The following PLEKHA6 variants were observed in gnomAD, a reference collection of about 807,000 sequenced individuals.
The protein encoded by PLEKHA6 is pleckstrin homology domain containing A6.
In PLEKHA6, 60 loss-of-function variants were observed where a neutral mutation model predicts 116.7. That is an observed-to-expected ratio of 0.51 (90% CI 0.42 to 0.64). PLEKHA6 has a LOEUF of 0.64. PLEKHA6 is among the 30% of genes least tolerant of loss of function. The pLI, the probability that PLEKHA6 is intolerant of heterozygous loss-of-function variation, is 0.00. For synonymous variants in PLEKHA6, 489 were observed against 556.1 expected, an observed-to-expected ratio of 0.88 and a Z score of 1.70; for missense variants, 1,338 against 1,422.7, an observed-to-expected ratio of 0.94 and a Z score of 0.96.
At chr1:204,250,040 C>G (rs1432505018) in intron 10 of PLEKHA6, among the ~76,000 whole-genome samples, 3 of 152,216 alleles carry the variant, frequency 2.0e-5, no homozygotes, top group South Asian at 2.1e-4. Flanking sequence ...CTGGCAGAAC[C>G]TATTATGGCT....
intron 15 of PLEKHA6, among the ~76,000 whole-genome samples, chr1:204,244,560 T>C (rs1020422132): frequency 3.9e-5 from 6 of 152,174 alleles, no homozygotes; most frequent in South Asian, 4.1e-4. Context: ...GTTGCTATCC[T>C]GGTATCATCC....
chr1:204,285,905 G>A (rs1343555418), intron 1 of PLEKHA6, among the ~76,000 whole-genome samples: 1 of 152,198 alleles, frequency 6.6e-6, no homozygotes, highest in Non-Finnish European at 1.5e-5. Context: ...TTCCTGGATT[G>A]GCCAACCTCT....
chr1:204,370,294 G>A (rs1439476263), intron 2 of PLEKHA6, among the ~76,000 whole-genome samples: 1 of 152,256 alleles, frequency 6.6e-6, no homozygotes, highest in East Asian at 1.9e-4. Context: ...CAAGCCAAAG[G>A]CTTCATCCTG....
chr1:204,318,468 C>T (rs750925481), intron 1 of PLEKHA6, among the ~76,000 whole-genome samples: 1 of 152,210 alleles, frequency 6.6e-6, no homozygotes, highest in African/African-American at 2.4e-5. Flanking sequence ...TGGACTACAG[C>T]GTCTGTTTCA....
At chr1:204,279,470 G>T (rs1409502211) in intron 1 of PLEKHA6, among the ~76,000 whole-genome samples, 1 of 152,232 alleles carries the variant, frequency 6.6e-6, no homozygotes, top group Non-Finnish European at 1.5e-5. Context: ...GGGAAACAAG[G>T]ACAGGTAATC....
At chr1:204,350,920 G>C (rs1673257684) in intron 1 of PLEKHA6, among the ~76,000 whole-genome samples, 1 of 152,212 alleles carries the variant, frequency 6.6e-6, no homozygotes, top group South Asian at 2.1e-4. Flanking sequence ...AGGGAGAGAG[G>C]AGAGGGCTGT....
At chr1:204,312,840 C>CCTTTT (rs1190278311) in intron 1 of PLEKHA6, among the ~76,000 whole-genome samples, 1 of 130,246 alleles carries the variant, frequency 7.7e-6, no homozygotes, top group East Asian at 3.3e-4. Context: ...GCCCTTAGCC[C>CCTTTT]ATTTTCTTTT....
Position 204,261,857 on chromosome 1 carries a change from C to T in PLEKHA6, c.382-409G>A, listed in dbSNP as rs1666160115. The T allele has an allele frequency of 1.7e-5, 5 of 296,336 alleles. No homozygotes were observed. The highest frequency in any genetic ancestry group is 4.6e-5 in the Admixed American group (1 of 21,534). The allele number at this position is 296,336 out of a possible 1,614,324, so 18.4% of individuals were successfully genotyped here. ...CACATGCCAATCTTAGCCCCAGCTT[C>T]ACTGCTGAGAAGCTAGCACTGTCTC... is the stretch of plus-strand genomic sequence containing the variant. On this transcript the variant is annotated intron_variant, in intron 6 of 22. Coordinates refer to ENST00000272203, the MANE Select transcript of PLEKHA6 (RefSeq NM_014935.5). The surrounding 1 kb of genome is among the most constrained non-coding windows in gnomAD (Gnocchi z 4.0).
chr1:204,326,544 A>G (rs1672251156), intron 1 of PLEKHA6, among the ~76,000 whole-genome samples: 1 of 152,222 alleles, frequency 6.6e-6, no homozygotes, highest in Non-Finnish European at 1.5e-5. Flanking sequence ...GCATGGAGAC[A>G]AAAGAGAAAG....
intron 17 of PLEKHA6, among the ~76,000 whole-genome samples, chr1:204,237,998 T>C (rs1662301450): frequency 6.6e-6 from 1 of 152,212 alleles, no homozygotes; most frequent in South Asian, 2.1e-4. Flanking sequence ...ATGGGGCCTG[T>C]TGAGATATTC....
intron 1 of PLEKHA6, chr1:204,301,201 T>C (rs370019165): frequency 1.0e-6 from 1 of 977,938 alleles, no homozygotes. Context: ...GCCACCTCTC[T>C]AGCTCCAGAA....
intron 1 of PLEKHA6, among the ~76,000 whole-genome samples, chr1:204,339,052 T>C (rs1032702956): frequency 6.6e-6 from 1 of 152,204 alleles, no homozygotes; most frequent in Non-Finnish European, 1.5e-5. Flanking sequence ...TCTTGCAGTT[T>C]CCACTTGGGT....
chr1:204,257,981 C>T lies in PLEKHA6; in HGVS notation c.1008-112G>A. 1 of 915,874 alleles carries T rather than the reference C, an allele frequency of 1.1e-6. No individual in the cohort carries two copies. Among genetic ancestry groups the T allele is most frequent in the Non-Finnish European group, 1.7e-6 (1 of 605,506 alleles). 56.7% of individuals were successfully genotyped at this position (915,874 alleles called of 1,614,324 possible). A position where few individuals can be genotyped will look rare whatever the true frequency, so the allele number is the denominator to read the frequency against. On this transcript the variant is annotated intron_variant, in intron 8 of 22. Transcript: ENST00000272203. The surrounding 1 kb of genome is among the most constrained non-coding windows in gnomAD (Gnocchi z 6.5). ...AGAGCAGGGTGCTTGAATAGGTACA[C>T]AGGGGCTGAGGTTTATTCCAGAGAT...
Position 204,250,436 on chromosome 1 carries a change from GGA to G in PLEKHA6, c.1593+108_1593+109del. On this transcript the variant is annotated intron_variant, in intron 10 of 22. Transcript: ENST00000272203. ...AGCCACCAGAAGGAGAGAGATAGAT[GGA>G]GAGACAGCCCCCGCAGAGGAAGAGA... 9.2e-6 allele frequency: 7 copies of G among 762,334 alleles called. No homozygotes were observed. In the South Asian group the frequency reaches 1.0e-4, roughly 11 times the overall value. The allele number at this position is 762,334 out of a possible 1,614,324, so 47.2% of individuals were successfully genotyped here. A position where few individuals can be genotyped will look rare whatever the true frequency, so the allele number is the denominator to read the frequency against.
intron 6 of PLEKHA6, among the ~76,000 whole-genome samples, chr1:204,263,940 G>A (rs1393018968): frequency 6.6e-6 from 1 of 152,116 alleles, no homozygotes; most frequent in African/African-American, 2.4e-5. Flanking sequence ...CTTGCTCCCT[G>A]TAGCGGGCCC....
At chr1:204,327,503 G>C (rs568571740) in intron 1 of PLEKHA6, among the ~76,000 whole-genome samples, 6 of 152,248 alleles carry the variant, frequency 3.9e-5, no homozygotes, top group Non-Finnish European at 8.8e-5. Context: ...TCTCTGGCCC[G>C]CTGAGGCCCA....
At chr1:204,343,612 G>A (rs1362526482) in intron 1 of PLEKHA6, among the ~76,000 whole-genome samples, 1 of 152,146 alleles carries the variant, frequency 6.6e-6, no homozygotes, top group Non-Finnish European at 1.5e-5. Flanking sequence ...CCAGGATGTT[G>A]AACTGGTACC....
chr1:204,329,795 C>G (rs1053055265), intron 1 of PLEKHA6, among the ~76,000 whole-genome samples: 5 of 151,822 alleles, frequency 3.3e-5, no homozygotes, highest in African/African-American at 1.2e-4. Flanking sequence ...GACTCATTGT[C>G]TGTAATCCCA....
intron 1 of PLEKHA6, chr1:204,299,457 T>C (rs930740720): frequency 6.3e-6 from 1 of 158,384 alleles, no homozygotes; most frequent in Non-Finnish European, 1.3e-5. Flanking sequence ...AGAAGTGGGG[T>C]GTGTCATATA....
Sources: allele counts gnomAD v4.1 joint callset (sites outside exome capture counted in the v4.1 genomes callset), GRCh38; gene constraint gnomAD v4.1.1; non-coding constraint Gnocchi (gnomAD v3.1); transcripts MANE v1.5; gene names NCBI Gene and HGNC (gene_info 2026-07-23, HGNC 2026-07-21).